Variants in NEBL observed in about 807,000 individuals in gnomAD.
The protein encoded by NEBL is nebulette.
A neutral mutation model predicts 140.2 loss-of-function variants in NEBL; 122 were observed. The observed-to-expected ratio is 0.87, with a 90% CI of 0.75 to 1.01. The LOEUF is 1.01. Among genes scored for constraint, NEBL ranks in the 50% least tolerant of loss-of-function variants. The pLI, the probability that NEBL is intolerant of heterozygous loss-of-function variation, is 0.00. For missense variants in NEBL, 1,365 were observed against 1,231.3 expected (o/e 1.11, Z -1.62); for synonymous variants, 436 against 398.9 (o/e 1.09, Z -1.11).
Position 20,868,788 on chromosome 10 carries a change from T to C in NEBL, c.583-23A>G, listed in dbSNP as rs372205956. 2.4e-5 allele frequency: 36 copies of C among 1,508,402 alleles called. No homozygotes were observed. The African/African-American group carries it at 4.7e-4, about 20-fold the overall frequency. 93.4% of individuals were successfully genotyped at this position (1,508,402 alleles called of 1,614,324 possible). ...TGCCTAAAATGAATAAATAAGACAATGTTAAATATTTCTACCCTCCAATGA... is the reference window on the plus strand; with the variant it reads ...TGCCTAAAATGAATAAATAAGACAACGTTAAATATTTCTACCCTCCAATGA... On this transcript the variant is annotated intron_variant, in intron 6 of 27. Transcript: ENST00000377122.
chr10:20,880,313 T>C (rs928272433), intron 5 of NEBL, among the ~76,000 whole-genome samples: 11 of 152,288 alleles, frequency 7.2e-5, no homozygotes, highest in African/African-American at 1.2e-4. Context: ...TGAGCCAAGA[T>C]TGAGCCACTG....
At chr10:21,289,241 A>T (rs775501726) in intron 1 of NEBL, among the ~76,000 whole-genome samples, 1 of 152,082 alleles carries the variant, frequency 6.6e-6, no homozygotes, top group Non-Finnish European at 1.5e-5. Flanking sequence ...CACCTGATCA[A>T]ATGAGGGCCT....
intron 3 of NEBL, among the ~76,000 whole-genome samples, chr10:21,245,716 G>A (rs1842508032): frequency 2.0e-5 from 3 of 151,832 alleles, no homozygotes; most frequent in African/African-American, 7.3e-5. Context: ...TATTAGCTGG[G>A]CATGGAGACG....
At chr10:21,058,012 T>TA (rs1244041516) in intron 2 of NEBL, among the ~76,000 whole-genome samples, 3 of 152,214 alleles carry the variant, frequency 2.0e-5, no homozygotes, top group African/African-American at 4.8e-5. Flanking sequence ...TTCTGAGAGA[T>TA]ACATCACTTT....
At chr10:20,897,076 T>G in intron 1 of NEBL, 47 bp from the exon 2 acceptor site, 1 of 1,602,452 alleles carries the variant, frequency 6.2e-7, no homozygotes, top group South Asian at 1.1e-5. Context: ...TTTCTCATTG[T>G]CAATTTAGAG....
chr10:20,850,483 T>C lies in NEBL; in HGVS notation c.1028A>G (p.Tyr343Cys), dbSNP rs876657925. Residue 343 changes from tyrosine to cysteine, a missense_variant, in exon 11 of 28, where the codon TAT (tyrosine) becomes TGT (cysteine). Tyr to Cys is a radical substitution (Grantham distance 194, BLOSUM62 -2). Coordinates refer to ENST00000377122, the MANE Select transcript of NEBL (RefSeq NM_006393.3). The stretch of plus-strand genomic sequence containing the variant: ...CATTGGCTTTCCCTTATTTTTCTCA[T>C]ATTCTTCTTTATATTTCACCTTCAT... ...LQSQVKYKEE[Y>C]EKNKGKPMLE... 3.1e-6 allele frequency: 5 copies of C among 1,600,578 alleles called. No homozygotes were observed. Among genetic ancestry groups the C allele is most frequent in the Non-Finnish European group, 4.3e-6 (5 of 1,167,888 alleles).
At chr10:20,902,653 C>T (rs190367555) in intron 4 of NEBL, among the ~76,000 whole-genome samples, 27 of 152,238 alleles carry the variant, frequency 1.8e-4, no homozygotes, top group Non-Finnish European at 2.9e-4. Flanking sequence ...ATTAACATAG[C>T]GCCCATTGAG....
chr10:21,131,805 G>A (rs1470716572), intron 2 of NEBL, among the ~76,000 whole-genome samples: 3 of 152,126 alleles, frequency 2.0e-5, no homozygotes, highest in Non-Finnish European at 4.4e-5. Context: ...AAAATGAAAG[G>A]TTCATTTGGC....
At chr10:20,823,854 T>C (rs1196875535) in intron 18 of NEBL, among the ~76,000 whole-genome samples, 1 of 151,438 alleles carries the variant, frequency 6.6e-6, no homozygotes, top group Non-Finnish European at 1.5e-5. Context: ...TGGAAGGAAA[T>C]GTACTAAAAG....
At chr10:20,891,954 G>T (rs1402477525) in intron 2 of NEBL, among the ~76,000 whole-genome samples, 1 of 152,158 alleles carries the variant, frequency 6.6e-6, no homozygotes, top group Non-Finnish European at 1.5e-5. Flanking sequence ...AACAGGAAAT[G>T]ATCATTGAAA....
intron 4 of NEBL, among the ~76,000 whole-genome samples, chr10:20,951,106 T>C (rs1225476924): frequency 6.6e-6 from 1 of 152,002 alleles, no homozygotes; most frequent in East Asian, 1.9e-4. Flanking sequence ...CTTATCTCTA[T>C]TCGAAAAAAA....
intron 2 of NEBL, among the ~76,000 whole-genome samples, chr10:21,062,476 C>T (rs1835348318): frequency 6.6e-6 from 1 of 151,272 alleles, no homozygotes; most frequent in African/African-American, 2.4e-5. Flanking sequence ...GCCTGGGCAA[C>T]ATAGAGAAAC....
chr10:21,283,899 C>T (rs887624510), intron 1 of NEBL, among the ~76,000 whole-genome samples: 4 of 151,858 alleles, frequency 2.6e-5, no homozygotes, highest in Non-Finnish European at 5.9e-5. Flanking sequence ...CTCCATCGGA[C>T]TCTAAGTGGC....
chr10:20,906,795 A>G (rs1406526898), intron 4 of NEBL, among the ~76,000 whole-genome samples: 1 of 152,144 alleles, frequency 6.6e-6, no homozygotes. Flanking sequence ...TGTGCATTCT[A>G]TGGGCCAGGC....
At position 20,912,930 on chromosome 10, in the gene NEBL, T is replaced by A. The variant is rs147155389; in HGVS notation, c.357+48742A>T. ...CAGAGTCTCTCTCTGTTACCCAGGCTTTAAGGTTTTTGGTAGACACAGGGT... is the reference window on the plus strand; with the variant it reads ...CAGAGTCTCTCTCTGTTACCCAGGCATTAAGGTTTTTGGTAGACACAGGGT... On this transcript the variant is annotated intron_variant, in intron 4 of 6. Coordinates refer to the NEBL transcript ENST00000417816. 3.8e-3 allele frequency among the ~76,000 whole-genome samples: 571 copies of A among 149,550 alleles called. 6 individuals are homozygous for A. Among genetic ancestry groups the A allele is most frequent in the African/African-American group, 0.013 (545 of 40,460 alleles).
At chr10:21,049,450 T>G (rs943958018) in intron 2 of NEBL, among the ~76,000 whole-genome samples, 5 of 152,126 alleles carry the variant, frequency 3.3e-5, no homozygotes, top group African/African-American at 1.2e-4. Flanking sequence ...GAAGATTGAT[T>G]ACACGTCAGA....
At chr10:21,016,398 A>G (rs909655025) in intron 3 of NEBL, among the ~76,000 whole-genome samples, 23 of 152,256 alleles carry the variant, frequency 1.5e-4, no homozygotes, top group Non-Finnish European at 3.1e-4. Flanking sequence ...TTTAGCATTT[A>G]GATGTAAAAT....
intron 1 of NEBL, among the ~76,000 whole-genome samples, chr10:21,264,152 C>A (rs1244020949): frequency 6.6e-6 from 1 of 152,216 alleles, no homozygotes; most frequent in East Asian, 1.9e-4. Flanking sequence ...GAAGTTTATA[C>A]TGTGGTTGGA....
chr10:20,985,610 C>G (rs1052483567), intron 3 of NEBL, among the ~76,000 whole-genome samples: 1 of 152,126 alleles, frequency 6.6e-6, no homozygotes, highest in Admixed American at 6.6e-5. Flanking sequence ...TCCTGCTACT[C>G]ATTTCAGGCA....
Sources: gnomAD v4.1 joint callset for allele counts (sites outside exome capture counted in the v4.1 genomes callset) on GRCh38, gnomAD v4.1.1 for gene constraint, MANE v1.5 for transcripts, NCBI Gene and HGNC (gene_info 2026-07-23, HGNC 2026-07-21) for gene names.